CSMD1: variants seen among roughly 807,000 people sequenced by gnomAD.
CSMD1 encodes the protein CUB and sushi domain-containing protein 1.
In CSMD1, 213 loss-of-function variants were observed where a neutral mutation model predicts 417.5. The ratio of observed to expected loss-of-function variants is 0.51; its 90% confidence interval spans 0.46 to 0.57. The LOEUF is 0.57. Ranked by LOEUF, CSMD1 falls within the 20% of genes least tolerant of loss-of-function variation. The pLI is 0.00. For synonymous variants in CSMD1, 2,862 were observed against 1,736.8 expected, an observed-to-expected ratio of 1.65 and a Z score of -16.11; for missense variants, 6,923 against 4,529.7, an observed-to-expected ratio of 1.53 and a Z score of -15.17.
chr8:4,621,053 C>A (rs776608443), intron 2 of CSMD1, among the ~76,000 whole-genome samples: 4 of 151,932 alleles, frequency 2.6e-5, no homozygotes, highest in Admixed American at 2.0e-4. Flanking sequence ...ATCATATATT[C>A]GTCAGACCTG....
intron 4 of CSMD1, among the ~76,000 whole-genome samples, chr8:4,030,269 T>A (rs968537118): frequency 6.6e-6 from 1 of 152,216 alleles, no homozygotes; most frequent in African/African-American, 2.4e-5. Context: ...TGCACTGCCC[T>A]AGCAAAGGTT....
At chr8:3,958,780 G>C (rs1439051452) in intron 5 of CSMD1, among the ~76,000 whole-genome samples, 1 of 152,192 alleles carries the variant, frequency 6.6e-6, no homozygotes, top group Non-Finnish European at 1.5e-5. Flanking sequence ...AGTTCAAAGA[G>C]GAACGACATT....
intron 5 of CSMD1, among the ~76,000 whole-genome samples, chr8:3,840,954 G>T (rs1803096166): frequency 6.6e-6 from 1 of 151,990 alleles, no homozygotes; most frequent in Non-Finnish European, 1.5e-5. Flanking sequence ...TGATCCTCCT[G>T]CCTCGGCCTC....
chr8:3,819,746 G>C (rs559491319), intron 5 of CSMD1, among the ~76,000 whole-genome samples: 82 of 152,228 alleles, frequency 5.4e-4, no homozygotes, highest in African/African-American at 1.1e-3. Flanking sequence ...GTGGTACCAT[G>C]ATCAGCTAAT....
intron 1 of CSMD1, among the ~76,000 whole-genome samples, chr8:4,823,887 G>T (rs1395956892): frequency 1.3e-5 from 2 of 151,912 alleles, no homozygotes; most frequent in African/African-American, 4.8e-5. Flanking sequence ...TGAACTTTGA[G>T]AGAGAAATAC....
chr8:4,772,460 G>A (rs1028352640), intron 1 of CSMD1, among the ~76,000 whole-genome samples: 4 of 152,120 alleles, frequency 2.6e-5, no homozygotes, highest in Non-Finnish European at 5.9e-5. Context: ...ATTATATCAT[G>A]AGCGTCATCC....
At chr8:3,504,033 C>G (rs1291879755) in intron 10 of CSMD1, among the ~76,000 whole-genome samples, 1 of 152,104 alleles carries the variant, frequency 6.6e-6, no homozygotes, top group East Asian at 1.9e-4. Flanking sequence ...GACAGCACTG[C>G]AGGGTGACTG....
chr8:4,927,863 T>G (rs1381915104), intron 1 of CSMD1, among the ~76,000 whole-genome samples: 3 of 152,176 alleles, frequency 2.0e-5, no homozygotes, highest in African/African-American at 4.8e-5. Flanking sequence ...TACCCAGAAT[T>G]CTACCAAGAT....
intron 3 of CSMD1, among the ~76,000 whole-genome samples, chr8:4,131,228 C>T (rs1181357302): frequency 6.6e-6 from 1 of 152,086 alleles, no homozygotes; most frequent in Non-Finnish European, 1.5e-5. Flanking sequence ...AAGTATACGG[C>T]ATGTGGTGTG....
intron 1 of CSMD1, among the ~76,000 whole-genome samples, chr8:4,780,470 C>A (rs1316747947): frequency 6.6e-6 from 1 of 152,206 alleles, no homozygotes; most frequent in Non-Finnish European, 1.5e-5. Context: ...CTCTCTCTGG[C>A]TCCTTTATAT....
chr8:3,845,546 C>T (rs960877623), intron 5 of CSMD1, among the ~76,000 whole-genome samples: 5 of 152,242 alleles, frequency 3.3e-5, no homozygotes, highest in South Asian at 2.1e-4. Context: ...AGAAGTTGCT[C>T]TGGGTGTCAG....
intron 3 of CSMD1, among the ~76,000 whole-genome samples, chr8:4,382,928 C>T (rs557840781): frequency 1.5e-4 from 23 of 152,246 alleles, no homozygotes; most frequent in African/African-American, 5.1e-4. Flanking sequence ...GGAAGGTGTA[C>T]ATTCATTTTA....
intron 1 of CSMD1, among the ~76,000 whole-genome samples, chr8:4,962,719 C>T (rs1021776154): frequency 6.6e-6 from 1 of 152,182 alleles, no homozygotes; most frequent in East Asian, 1.9e-4. Context: ...GATGGATGGG[C>T]AAGAACGGCA....
At chr8:3,730,221 T>C (rs1802763018) in intron 6 of CSMD1, among the ~76,000 whole-genome samples, 1 of 152,116 alleles carries the variant, frequency 6.6e-6, no homozygotes, top group Admixed American at 6.6e-5. Context: ...TCCAGTTTGA[T>C]TCCCCATATG....
chr8:3,643,416 C>T (rs942179493), intron 7 of CSMD1, among the ~76,000 whole-genome samples: 2 of 152,072 alleles, frequency 1.3e-5, no homozygotes, highest in African/African-American at 4.8e-5. Flanking sequence ...GAAATGCCTC[C>T]TCTGGGCCGG....
At chr8:3,142,056 C>A (rs1417298648) in intron 41 of CSMD1, among the ~76,000 whole-genome samples, 1 of 152,140 alleles carries the variant, frequency 6.6e-6, no homozygotes, top group Non-Finnish European at 1.5e-5. Flanking sequence ...CTCGGCCTTC[C>A]AAAGTGCTGG....
chr8:3,246,919 G>C (rs1384903742), intron 26 of CSMD1, among the ~76,000 whole-genome samples: 1 of 151,942 alleles, frequency 6.6e-6, no homozygotes, highest in African/African-American at 2.4e-5. Context: ...TTTTGCTGTA[G>C]AAAAAAGTGT....
chr8:4,492,885 T>G (rs1354766685), intron 2 of CSMD1, among the ~76,000 whole-genome samples: 2 of 152,218 alleles, frequency 1.3e-5, no homozygotes, highest in East Asian at 3.8e-4. Context: ...CATTTTTCAT[T>G]TAACATGGGC....
chr8:4,278,770 C>G (rs990682448), intron 3 of CSMD1, among the ~76,000 whole-genome samples: 1 of 152,094 alleles, frequency 6.6e-6, no homozygotes, highest in Admixed American at 6.6e-5. Flanking sequence ...AACAAAGAGC[C>G]AAGTGTGATT....
Sources: allele counts gnomAD v4.1 joint callset (sites outside exome capture counted in the v4.1 genomes callset), GRCh38; gene constraint gnomAD v4.1.1; transcripts MANE v1.5; gene names NCBI Gene and HGNC (gene_info 2026-07-23, HGNC 2026-07-21).